The following NAGLU variants were observed in gnomAD, a reference collection of about 807,000 sequenced individuals.
The protein encoded by NAGLU is alpha-N-acetylglucosaminidase.
A neutral mutation model predicts 43.4 loss-of-function variants in NAGLU; 34 were observed. The ratio of observed to expected loss-of-function variants is 0.78; its 90% CI spans 0.60 to 1.04. The LOEUF is 1.04. Among genes scored for constraint, NAGLU ranks in the 50% least tolerant of loss-of-function variants. The probability of loss-of-function intolerance (pLI) is 0.00; values close to 1 mark genes in which losing one functional copy is unlikely to be tolerated. For synonymous variants in NAGLU, 425 were observed against 437.6 expected (o/e 0.97, Z 0.36); for missense variants, 910 against 993.7 (o/e 0.92, Z 1.13).
intron 4 of NAGLU, among the ~76,000 whole-genome samples, chr17:42,539,681 A>G (rs2092916509): frequency 6.6e-6 from 1 of 152,244 alleles, no homozygotes; most frequent in Non-Finnish European, 1.5e-5. Context: ...AAGGTGCCCA[A>G]GGGCTTACCC....
In NAGLU at chr17:42,543,993, C is replaced by G. The variant is rs1188518770; in HGVS notation, c.1987C>G (p.Leu663Val). The G allele has an allele frequency of 6.2e-7, 1 of 1,610,768 alleles. No individual in the cohort carries two copies. The highest frequency in any genetic ancestry group is 1.1e-5 in the South Asian group (1 of 90,440). Reference sequence around the variant, plus strand: ...CATCCTGGACTATGCCAACAAGCAGCTGGCGGGGTTGGTGGCCAACTACTA... The same window carrying G: ...CATCCTGGACTATGCCAACAAGCAGGTGGCGGGGTTGGTGGCCAACTACTA... ...GNILDYANKQ[L>V]AGLVANYYTP... is the part of the protein sequence containing the mutation. Residue 663 changes from leucine to valine, a missense_variant, in exon 6 of 6, where the codon CTG becomes GTG. Coordinates refer to ENST00000225927, the MANE Select transcript of NAGLU (RefSeq NM_000263.4).
At position 42,536,673 on chromosome 17, in the gene NAGLU, C is replaced by T; in HGVS notation, c.383+18C>T. On this transcript the variant is annotated intron_variant, in intron 1 of 5. Transcript: ENST00000225927. ...CCCAACAGGTACCGCCCCGAAGCTT[C>T]CCCGCGTCCGCCCGAGGCGCTTACC... is the stretch of plus-strand genomic sequence containing the variant. The T allele has an allele frequency of 6.7e-7, 1 of 1,483,566 alleles. No individual in the cohort carries two copies. 91.9% of individuals were successfully genotyped at this position (1,483,566 alleles called of 1,614,324 possible).
chr17:42,540,641 A>G (rs2092918992), intron 4 of NAGLU, among the ~76,000 whole-genome samples: 1 of 149,658 alleles, frequency 6.7e-6, no homozygotes, highest in Non-Finnish European at 1.5e-5. Context: ...GCTTGCAGTG[A>G]GCTGAGAATG....
At chr17:42,539,707 T>C (rs540895899) in intron 4 of NAGLU, among the ~76,000 whole-genome samples, 1 of 152,304 alleles carries the variant, frequency 6.6e-6, no homozygotes, top group Non-Finnish European at 1.5e-5. Flanking sequence ...AGGAGAGATA[T>C]GTTGGCTGAA....
At chr17:42,537,274 T>C in intron 1 of NAGLU, 124 bp from the exon 2 acceptor site, 2 of 1,445,180 alleles carry the variant, frequency 1.4e-6, no homozygotes, top group Non-Finnish European at 1.9e-6. Flanking sequence ...TGGGTCCCAG[T>C]GTGCAGCAGA....
intron 4 of NAGLU, 39 bp downstream of exon 4, chr17:42,538,794 G>A: frequency 6.2e-7 from 1 of 1,608,574 alleles, no homozygotes; most frequent in Non-Finnish European, 8.5e-7. Context: ...GCTCAGAGAG[G>A]GAATTTTATT....
rs774221240 is a variant in NAGLU at position 42,536,663 on chromosome 17, C to T, written c.383+8C>T. 1.3e-6 allele frequency: 2 copies of T among 1,489,154 alleles called. No individual in the cohort carries two copies. Among genetic ancestry groups the T allele is most frequent in the South Asian group, 1.2e-5 (1 of 80,068 alleles). The allele number at this position is 1,489,154 out of a possible 1,614,324, so 92.2% of individuals were successfully genotyped here. On this transcript the variant is annotated splice_region_variant and intron_variant, in intron 1 of 5. Coordinates refer to ENST00000225927, the MANE Select transcript of NAGLU (RefSeq NM_000263.4). ...CGAGGCCACGCCCAACAGGTACCGC[C>T]CCGAAGCTTCCCCGCGTCCGCCCGA...
chr17:42,540,695 CAAA>C (rs369880072), intron 4 of NAGLU, among the ~76,000 whole-genome samples: 12 of 58,434 alleles, frequency 2.1e-4, no homozygotes, highest in Admixed American at 3.9e-4. Flanking sequence ...GACTCTGCCT[CAAA>C]AAAAAAAAAA....
intron 4 of NAGLU, 135 bp from the exon 5 acceptor site, chr17:42,540,815 C>CAGAG: frequency 7.8e-7 from 1 of 1,274,476 alleles, no homozygotes; most frequent in South Asian, 1.2e-5. Context: ...GGACTGTAGG[C>CAGAG]AGAGAGCATA....
chr17:42,544,137 A>G lies in NAGLU; in HGVS notation c.2131A>G (p.Ser711Gly), dbSNP rs1482294617. 6.2e-7 allele frequency: 1 copy of G among 1,614,054 alleles called. No homozygotes were observed. The highest frequency in any genetic ancestry group is 2.2e-5 in the East Asian group (1 of 44,868). The change falls in exon 6 of 6, where the codon AGC (serine) becomes GGC (glycine). Residue 711 changes from serine (S) to glycine (G), a missense_variant. By Grantham distance (56) the Ser-to-Gly change is moderately conservative. Coordinates refer to ENST00000225927, the MANE Select transcript of NAGLU (RefSeq NM_000263.4). The part of the protein sequence containing the change: ...VFQLEQAFVL[S>G]KQRYPSQPRG... ...CCAACTGGAGCAGGCCTTCGTTCTCAGCAAGCAGAGGTACCCCAGCCAGCC... is the reference window on the plus strand; with the variant it reads ...CCAACTGGAGCAGGCCTTCGTTCTCGGCAAGCAGAGGTACCCCAGCCAGCC...
At chr17:42,539,435 C>T (rs1042807533) in intron 4 of NAGLU, among the ~76,000 whole-genome samples, 26 of 152,368 alleles carry the variant, frequency 1.7e-4, no homozygotes, top group Non-Finnish European at 2.6e-4. Context: ...TCAAGGCTCA[C>T]CTGAGACCTC....
chr17:42,536,504 C>T lies in NAGLU; in HGVS notation c.232C>T (p.Arg78Cys). ...CGGCGGCGCGGCGCGCGTGCGGGTG[C>T]GCGGCTCCACGGGCGTGGCGGCCGC... ...GGGGAARVRV[R>C]GSTGVAAAAG... The change falls in exon 1 of 6, where the codon CGC (arginine) becomes TGC (cysteine). Residue 78 changes from arginine to cysteine, a missense_variant. Physicochemically the swap from Arg to Cys is radical, Grantham distance 180. Coordinates refer to ENST00000225927, the MANE Select transcript of NAGLU (RefSeq NM_000263.4). The T allele has an allele frequency of 8.0e-7, 1 of 1,242,426 alleles. No individual in the cohort carries two copies. The highest frequency in any genetic ancestry group is 3.4e-5 in the South Asian group (1 of 29,370). 77.0% of individuals were successfully genotyped at this position (1,242,426 alleles called of 1,614,324 possible). A position where few individuals can be genotyped will look rare whatever the true frequency, so the allele number is the denominator to read the frequency against.
chr17:42,541,292 C>G lies in NAGLU; in HGVS notation c.1021+86C>G, dbSNP rs1373316352. The G allele has an allele frequency of 6.4e-6, 10 of 1,560,034 alleles. No homozygotes were observed. The Admixed American group carries it at 1.7e-4, about 27-fold the overall frequency. ...ATGTCAGTAGGGGTAGGCAGAGGGA[C>G]TGGAATAATGCCTCGCCATAACACA... On this transcript the variant is annotated intron_variant, in intron 5 of 5. Coordinates refer to ENST00000225927, the MANE Select transcript of NAGLU (RefSeq NM_000263.4).
Position 42,538,693 on chromosome 17 carries a change from C to A in NAGLU, c.702C>A (p.Arg234=). ...AGCACCGGGTCCTGGACCAGATGCG[C>A]TCCTTCGGCATGACCCCAGTGCTGC... The part of the protein sequence containing the change: ...YLQHRVLDQM[R]SFGMTPVLPA... The change falls in exon 4 of 6, where the codon CGC becomes CGA. Residue 234 remains arginine (R), a synonymous_variant. Coordinates refer to ENST00000225927, the MANE Select transcript of NAGLU (RefSeq NM_000263.4). 1.9e-6 allele frequency: 3 copies of A among 1,614,048 alleles called. No homozygotes were observed. Among genetic ancestry groups the A allele is most frequent in the Non-Finnish European group, 2.5e-6 (3 of 1,180,040 alleles).
At position 42,537,560 on chromosome 17, in the gene NAGLU, T is replaced by C; in HGVS notation, c.531+15T>C. ...TCTGGCAGCGGGTGCGTGCCCACTG[T>C]CCCTTCCCCACCCTCCTCTATGGCG... On this transcript the variant is annotated intron_variant, in intron 2 of 5. Coordinates refer to ENST00000225927, the MANE Select transcript of NAGLU (RefSeq NM_000263.4). 1 of 1,613,086 alleles carries C rather than the reference T, an allele frequency of 6.2e-7. No individual in the cohort carries two copies. The highest frequency in any genetic ancestry group is 8.5e-7 in the Non-Finnish European group (1 of 1,179,928).
intron 5 of NAGLU, 49 bp from the exon 6 acceptor site, chr17:42,542,979 C>T (rs764384021): frequency 8.8e-6 from 14 of 1,597,006 alleles, no homozygotes; most frequent in Admixed American, 1.7e-5. Flanking sequence ...TCCCTGGGCC[C>T]TCTGTTTCAT....
At chr17:42,537,851 G>T (rs1185777172) in intron 2 of NAGLU, among the ~76,000 whole-genome samples, 1 of 144,760 alleles carries the variant, frequency 6.9e-6, no homozygotes, top group South Asian at 2.2e-4. Context: ...AACAGAGCGA[G>T]ACTCTGTCTA....
intron 2 of NAGLU, 83 bp from the exon 3 acceptor site, chr17:42,538,256 A>C: frequency 8.1e-6 from 13 of 1,604,492 alleles, no homozygotes; most frequent in Non-Finnish European, 1.1e-5. Context: ...CAGCACAAAG[A>C]AGCAATGAGT....
Position 42,537,441 on chromosome 17 carries a change from G to A in NAGLU, c.427G>A (p.Val143Met), listed in dbSNP as rs1367528849. Residue 143 changes from valine (V) to methionine (M), a missense_variant, in exon 2 of 6, where the codon GTG (valine) becomes ATG (methionine). By Grantham distance (21) the Val-to-Met change is conservative. Coordinates refer to ENST00000225927, the MANE Select transcript of NAGLU (RefSeq NM_000263.4). ...QNVCTQSYSF[V>M]WWDWARWERE... ...TGTGTGCACGCAAAGCTACTCTTTC[G>A]TGTGGTGGGACTGGGCCCGCTGGGA... 1 of 1,614,116 alleles carries A rather than the reference G, an allele frequency of 6.2e-7. No homozygotes were observed. The highest frequency in any genetic ancestry group is 1.3e-5 in the African/African-American group (1 of 74,942).
Sources: allele counts gnomAD v4.1 joint callset (sites outside exome capture counted in the v4.1 genomes callset), GRCh38; gene constraint gnomAD v4.1.1; transcripts MANE v1.5; gene names NCBI Gene and HGNC (gene_info 2026-07-23, HGNC 2026-07-21).